ANKFN1: variants seen among roughly 807,000 people sequenced by gnomAD.
ANKFN1 encodes ankyrin repeat and fibronectin type III domain containing 1.
Under a neutral mutation model 108.7 loss-of-function variants are expected in ANKFN1, and 74 were observed. The ratio of observed to expected loss-of-function variants is 0.68; its 90% CI spans 0.56 to 0.83. ANKFN1 has a LOEUF of 0.83. Among genes scored for constraint, ANKFN1 ranks in the 40% least tolerant of loss-of-function variants. The pLI is 0.00. For missense variants in ANKFN1, 1,505 were observed against 1,382.3 expected (o/e 1.09, Z -1.41); for synonymous variants, 547 against 516.2 (o/e 1.06, Z -0.81).
At chr17:56,198,329 C>T (rs1392979222) in intron 1 of ANKFN1, among the ~76,000 whole-genome samples, 1 of 152,206 alleles carries the variant, frequency 6.6e-6, no homozygotes, top group African/African-American at 2.4e-5. Flanking sequence ...TGTTCCACCT[C>T]ATGACCTCGA....
At chr17:56,300,590 G>GTTTT (rs33957848) in intron 3 of ANKFN1, among the ~76,000 whole-genome samples, 2 of 131,640 alleles carry the variant, frequency 1.5e-5, no homozygotes, top group African/African-American at 2.7e-5. Context: ...ACAGGAAATT[G>GTTTT]TTTTTTTTTT....
At chr17:56,385,635 A>G (rs983853384) in intron 8 of ANKFN1, among the ~76,000 whole-genome samples, 1 of 152,218 alleles carries the variant, frequency 6.6e-6, no homozygotes, top group Non-Finnish European at 1.5e-5. Flanking sequence ...AAAAAAACGA[A>G]CAACCCCATC....
intron 4 of ANKFN1, among the ~76,000 whole-genome samples, chr17:56,057,163 G>T (rs1266548671): frequency 6.6e-6 from 1 of 152,078 alleles, no homozygotes; most frequent in African/African-American, 2.4e-5. Context: ...ACACCTTTAG[G>T]TTCCACTTCT....
chr17:56,303,460 C>T (rs555849921), intron 3 of ANKFN1, among the ~76,000 whole-genome samples: 10 of 152,202 alleles, frequency 6.6e-5, no homozygotes, highest in South Asian at 4.2e-4. Flanking sequence ...TCCAAGCTGA[C>T]GAAGCCATAA....
At chr17:56,331,618 A>G (rs2045665627) in intron 4 of ANKFN1, among the ~76,000 whole-genome samples, 1 of 152,188 alleles carries the variant, frequency 6.6e-6, no homozygotes, top group African/African-American at 2.4e-5. Context: ...GAGTTGTTGT[A>G]AGTATGGACT....
rs1019351956 is a variant in ANKFN1, at chr17:56,516,641, C to T, written c.*5372C>T. 2.6e-5 allele frequency among the ~76,000 whole-genome samples: 4 copies of T among 152,050 alleles called. No individual in the cohort carries two copies. Among genetic ancestry groups the T allele is most frequent in the Admixed American group, 2.6e-4 (4 of 15,274 alleles). On this transcript the variant is annotated 3_prime_UTR_variant, in exon 21 of 21. Coordinates refer to ENST00000682825, the MANE Select transcript of ANKFN1 (RefSeq NM_001370326.1). ...AATGTGTACTGTAAATGTCCAGTAC[C>T]CTCAATCAAAAACAGCACTGGTAAA...
At chr17:56,382,707 C>T (rs1200549614) in intron 8 of ANKFN1, among the ~76,000 whole-genome samples, 1 of 152,058 alleles carries the variant, frequency 6.6e-6, no homozygotes, top group Non-Finnish European at 1.5e-5. Flanking sequence ...GACTTTAAAC[C>T]AACAAAGATC....
chr17:56,282,723 C>CT (rs927200818), intron 3 of ANKFN1, among the ~76,000 whole-genome samples: 16 of 148,598 alleles, frequency 1.1e-4, no homozygotes, highest in South Asian at 6.4e-4. Flanking sequence ...CTAACTAGGA[C>CT]TTTTTTTTTT....
chr17:56,293,713 C>G (rs1001543226), intron 3 of ANKFN1, among the ~76,000 whole-genome samples: 1 of 152,216 alleles, frequency 6.6e-6, no homozygotes, highest in African/African-American at 2.4e-5. Context: ...AGACTTTCTA[C>G]TCTGAGATTT....
chr17:56,309,870 C>G (rs1280893747), intron 3 of ANKFN1, among the ~76,000 whole-genome samples: 4 of 152,184 alleles, frequency 2.6e-5, no homozygotes, highest in African/African-American at 9.6e-5. Flanking sequence ...GCACTCTCTT[C>G]ACCTTTCTTC....
In ANKFN1 at chr17:56,514,904, T is replaced by C. The variant is rs934296182; in HGVS notation, c.*3635T>C. Among the ~76,000 whole-genome samples the C allele has an allele frequency of 1.3e-5, 2 of 152,116 alleles. No homozygotes were observed. The highest frequency in any genetic ancestry group is 2.9e-5 in the Non-Finnish European group (2 of 68,016). On this transcript the variant is annotated 3_prime_UTR_variant, in exon 21 of 21. Transcript: ENST00000682825. ...GAAAAGAGGACTGGACCCTCGTTCA[T>C]TGTTATCCTGCCACACAAATGTGCG... is the stretch of plus-strand genomic sequence containing the variant.
chr17:56,315,540 C>A (rs922002411), intron 3 of ANKFN1, among the ~76,000 whole-genome samples: 6 of 152,182 alleles, frequency 3.9e-5, no homozygotes, highest in Non-Finnish European at 8.8e-5. Context: ...ACTTTTCTCC[C>A]AAATAGTGAA....
chr17:56,460,965 T>C (rs1017477814), intron 14 of ANKFN1, among the ~76,000 whole-genome samples: 1 of 152,172 alleles, frequency 6.6e-6, no homozygotes, highest in Admixed American at 6.6e-5. Flanking sequence ...AAAACTGCTC[T>C]TTAAGGGCAC....
At chr17:56,484,351 G>A (rs1206550989) in intron 18 of ANKFN1, among the ~76,000 whole-genome samples, 1 of 148,996 alleles carries the variant, frequency 6.7e-6, no homozygotes, top group African/African-American at 2.5e-5. Flanking sequence ...GGGTAGGAAC[G>A]AAAATAAGAA....
At chr17:56,068,550 C>A (rs1007931374) in intron 4 of ANKFN1, among the ~76,000 whole-genome samples, 4 of 152,184 alleles carry the variant, frequency 2.6e-5, no homozygotes, top group Non-Finnish European at 4.4e-5. Flanking sequence ...TAGAGCTCAC[C>A]AGCCCCAGGG....
At position 56,189,879 on chromosome 17, in the gene ANKFN1, C is replaced by T. The variant is rs147881425; in HGVS notation, c.-70-22719C>T. Among the ~76,000 whole-genome samples, 492 of 151,910 alleles carry T rather than the reference C, an allele frequency of 3.2e-3. 2 individuals carry two copies. The highest frequency in any genetic ancestry group is 0.011 in the African/African-American group (462 of 41,410). On this transcript the variant is annotated intron_variant, in intron 1 of 20. Transcript: ENST00000682825. ...TTTCAATGGAACAAAATAGAGAGCACGGAAGTCAACCCACATAAATATAGT... is the reference window on the plus strand; with the variant it reads ...TTTCAATGGAACAAAATAGAGAGCATGGAAGTCAACCCACATAAATATAGT...
chr17:56,311,777 T>C (rs2045034164), intron 3 of ANKFN1, among the ~76,000 whole-genome samples: 1 of 152,222 alleles, frequency 6.6e-6, no homozygotes, highest in South Asian at 2.1e-4. Context: ...TAAGTGAATT[T>C]TGTATTTAGA....
chr17:56,504,829 ATTT>A (rs5821133), intron 20 of ANKFN1, among the ~76,000 whole-genome samples: 35 of 116,464 alleles, frequency 3.0e-4, no homozygotes, highest in African/African-American at 3.6e-4. Context: ...TAATTTTTGG[ATTT>A]TTTTTTTTTT....
intron 3 of ANKFN1, among the ~76,000 whole-genome samples, chr17:56,302,667 T>C (rs2044706929): frequency 6.6e-6 from 1 of 152,190 alleles, no homozygotes; most frequent in Non-Finnish European, 1.5e-5. Context: ...GTTAAAGTTC[T>C]TCATAATCCT....
Sources: allele counts gnomAD v4.1 joint callset (sites outside exome capture counted in the v4.1 genomes callset), GRCh38; gene constraint gnomAD v4.1.1; transcripts MANE v1.5; gene names NCBI Gene and HGNC (gene_info 2026-07-23, HGNC 2026-07-21).